ASAP1: variants seen among roughly 807,000 people sequenced by gnomAD.
ASAP1 encodes the protein ArfGAP with SH3 domain, ankyrin repeat and PH domain 1.
In ASAP1, 43 loss-of-function variants were observed where a neutral mutation model predicts 145.2. The observed-to-expected ratio is 0.30, with a 90% CI of 0.23 to 0.38. The LOEUF (loss-of-function observed/expected upper bound fraction) is 0.38, where lower values mean the gene tolerates loss of function less well. Among genes scored for constraint, ASAP1 ranks in the 10% least tolerant of loss-of-function variants. ASAP1 has a pLI of 1.00. For synonymous variants in ASAP1, 546 were observed against 515.5 expected (o/e 1.06, Z -0.80); for missense variants, 1,018 against 1,355.3 (o/e 0.75, Z 3.91).
chr8:130,324,170 TG>T (rs1824187623), intron 3 of ASAP1, among the ~76,000 whole-genome samples: 1 of 152,238 alleles, frequency 6.6e-6, no homozygotes, highest in African/African-American at 2.4e-5. Context: ...TGGACGGTTC[TG>T]GCAGGGCCTC....
rs1824374098 is a variant in ASAP1, at chr8:130,326,954, T to TC, written c.186+31062dup. On this transcript the variant is annotated intron_variant, in intron 3 of 29. Transcript: ENST00000518721. The stretch of plus-strand genomic sequence containing the variant: ...CACCAGACCCACTGTGGTTATTCCT[T>TC]CCCCTCCCCAGGTCAGTCCACATCA... Among the ~76,000 whole-genome samples the TC allele has an allele frequency of 3.9e-5, 6 of 152,096 alleles. No individual in the cohort carries two copies. In the South Asian group the frequency reaches 1.2e-3, roughly 32 times the overall value.
At chr8:130,248,233 A>C (rs964530523) in intron 3 of ASAP1, among the ~76,000 whole-genome samples, 1 of 150,148 alleles carries the variant, frequency 6.7e-6, no homozygotes, top group African/African-American at 2.5e-5. Context: ...GGGGGGTTGG[A>C]GGGGGGAGTG....
chr8:130,055,111 A>T (rs1003325507), intron 29 of ASAP1, among the ~76,000 whole-genome samples: 1 of 152,182 alleles, frequency 6.6e-6, no homozygotes, highest in African/African-American at 2.4e-5. Context: ...AGATGAAGGG[A>T]CAGTGGCCCA....
intron 5 of ASAP1, among the ~76,000 whole-genome samples, chr8:130,202,364 A>C (rs1470651001): frequency 6.6e-6 from 1 of 152,030 alleles, no homozygotes. Context: ...AAAATTAAGT[A>C]GTGCTTTAGG....
chr8:130,411,052 G>A (rs933955277), intron 1 of ASAP1, among the ~76,000 whole-genome samples: 3 of 152,150 alleles, frequency 2.0e-5, no homozygotes, highest in Admixed American at 6.5e-5. Flanking sequence ...GTAGAGACGG[G>A]GTTTTGCCAT....
At position 130,082,302 on chromosome 8, in the gene ASAP1, T is replaced by C. The variant is rs567518197; in HGVS notation, c.2573-2331A>G. ...TATAACTTAATATTTAAGGACTTCT[T>C]TGGTAACTCATAAAATCCTCAGAGC... is the stretch of plus-strand genomic sequence containing the variant. On this transcript the variant is annotated intron_variant, in intron 25 of 29. Coordinates refer to ENST00000518721, the MANE Select transcript of ASAP1 (RefSeq NM_018482.4). Among the ~76,000 whole-genome samples, 4 of 152,300 alleles carry C rather than the reference T, an allele frequency of 2.6e-5. No homozygotes were observed. In the East Asian group the frequency reaches 7.7e-4, roughly 29 times the overall value.
At chr8:130,260,105 T>C (rs1203527529) in intron 3 of ASAP1, among the ~76,000 whole-genome samples, 1 of 152,238 alleles carries the variant, frequency 6.6e-6, no homozygotes, top group East Asian at 1.9e-4. Flanking sequence ...AGAATCTATG[T>C]TTTTCTTTCC....
At chr8:130,146,809 G>A (rs2097632070) in intron 13 of ASAP1, among the ~76,000 whole-genome samples, 1 of 152,200 alleles carries the variant, frequency 6.6e-6, no homozygotes, top group African/African-American at 2.4e-5. Flanking sequence ...TTAGTGAAAT[G>A]CCATGGAAGG....
chr8:130,306,407 A>G (rs1257628940), intron 3 of ASAP1, among the ~76,000 whole-genome samples: 2 of 152,114 alleles, frequency 1.3e-5, no homozygotes, highest in African/African-American at 4.8e-5. Context: ...CTCTCCCCAC[A>G]CTGACAACCC....
chr8:130,358,595 T>A lies in ASAP1; in HGVS notation c.60-452A>T, dbSNP rs1826503730. 1.4e-5 allele frequency among the ~76,000 whole-genome samples: 2 copies of A among 145,076 alleles called. No individual in the cohort carries two copies. Among genetic ancestry groups the A allele is most frequent in the Non-Finnish European group, 3.0e-5 (2 of 65,604 alleles). On this transcript the variant is annotated intron_variant, in intron 2 of 29. Coordinates refer to ENST00000518721, the MANE Select transcript of ASAP1 (RefSeq NM_018482.4). This position sits in a 1 kb window ranked among gnomAD's most constrained non-coding sequence, Gnocchi z 4.1. ...AGGCGGCGGCGCGGGCCTGACTGAC[T>A]GAGCGCACACTCCCGCGGCGGGCGG...
chr8:130,315,274 T>C (rs891357349), intron 3 of ASAP1, among the ~76,000 whole-genome samples: 2 of 152,118 alleles, frequency 1.3e-5, no homozygotes, highest in Non-Finnish European at 2.9e-5. Context: ...AAAAAGTCTA[T>C]GAATACTCCA....
At chr8:130,369,179 A>C (rs1173022371) in intron 2 of ASAP1, among the ~76,000 whole-genome samples, 1 of 152,224 alleles carries the variant, frequency 6.6e-6, no homozygotes, top group African/African-American at 2.4e-5. Flanking sequence ...TTGGGACCAG[A>C]AGTGTTTCAG....
chr8:130,259,418 T>C (rs1381530108), intron 3 of ASAP1, among the ~76,000 whole-genome samples: 1 of 152,210 alleles, frequency 6.6e-6, no homozygotes, highest in Non-Finnish European at 1.5e-5. Context: ...TTTAAACCCT[T>C]GCCAGGCCTC....
intron 3 of ASAP1, among the ~76,000 whole-genome samples, chr8:130,299,444 C>T (rs1822487483): frequency 6.6e-6 from 1 of 152,226 alleles, no homozygotes. Context: ...ATTGTGTCTA[C>T]TGCCGTCTTG....
intron 3 of ASAP1, among the ~76,000 whole-genome samples, chr8:130,316,924 A>G (rs1823695490): frequency 6.6e-6 from 1 of 152,208 alleles, no homozygotes; most frequent in Non-Finnish European, 1.5e-5. Flanking sequence ...AGGCTCTCCA[A>G]CACGACAACT....
intron 7 of ASAP1, among the ~76,000 whole-genome samples, chr8:130,185,453 C>T (rs1026512549): frequency 2.0e-5 from 3 of 152,114 alleles, no homozygotes; most frequent in East Asian, 1.9e-4. Flanking sequence ...ACAGCCAGGC[C>T]GGGCATGGTG....
intron 2 of ASAP1, among the ~76,000 whole-genome samples, chr8:130,383,005 G>T (rs1323822519): frequency 1.3e-5 from 2 of 152,198 alleles, no homozygotes; most frequent in Non-Finnish European, 2.9e-5. Flanking sequence ...AGAGAGAACA[G>T]CATGTGCAAA....
At chr8:130,183,111 T>C (rs985110387) in intron 7 of ASAP1, among the ~76,000 whole-genome samples, 4 of 152,028 alleles carry the variant, frequency 2.6e-5, no homozygotes, top group Non-Finnish European at 4.4e-5. Flanking sequence ...AACAGAAAGA[T>C]TGCAAACAGA....
chr8:130,116,929 T>C lies in ASAP1; in HGVS notation c.1947A>G (p.Lys649=). 6.2e-7 allele frequency: 1 copy of C among 1,614,064 alleles called. No homozygotes were observed. Among genetic ancestry groups the C allele is most frequent in the Non-Finnish European group, 8.5e-7 (1 of 1,179,990 alleles). The change falls in exon 21 of 30, where the codon AAA becomes AAG. Residue 649 remains lysine (K), a synonymous_variant. Coordinates refer to ENST00000518721, the MANE Select transcript of ASAP1 (RefSeq NM_018482.4). ...TGAGCAAAAGCTTCAAACACTCAGG[T>C]TTACTGTACATACTACAGTAGTGTA... The part of the protein sequence containing the change: ...TVLHYCSMYS[K]PECLKLLLRS...
Sources: gnomAD v4.1 joint callset for allele counts (sites outside exome capture counted in the v4.1 genomes callset) on GRCh38, gnomAD v4.1.1 for gene constraint, Gnocchi (gnomAD v3.1) non-coding constraint, MANE v1.5 for transcripts, NCBI Gene and HGNC (gene_info 2026-07-23, HGNC 2026-07-21) for gene names.